Variants in ZBTB20 observed in about 807,000 individuals in gnomAD.
ZBTB20 encodes zinc finger and BTB domain containing 20, also known as zinc finger and BTB domain-containing protein 20.
Under a neutral mutation model 56.9 loss-of-function variants are expected in ZBTB20, and 9 were observed. The observed-to-expected ratio is 0.16, with a 90% CI of 0.10 to 0.28. The LOEUF is 0.28. Among genes scored for constraint, ZBTB20 ranks in the 10% least tolerant of loss-of-function variants. The probability of loss-of-function intolerance (pLI) is 1.00; values close to 1 mark genes in which losing one functional copy is unlikely to be tolerated. For missense variants in ZBTB20, 655 were observed against 1,003.0 expected (o/e 0.65, Z 4.69); for synonymous variants, 417 against 420.7 (o/e 0.99, Z 0.11).
chr3:114,700,061 T>C (rs1230125744), intron 5 of ZBTB20, among the ~76,000 whole-genome samples: 1 of 152,102 alleles, frequency 6.6e-6, no homozygotes, highest in Non-Finnish European at 1.5e-5. Flanking sequence ...TCTTATACTT[T>C]TTTTTATCTT....
intron 8 of ZBTB20, among the ~76,000 whole-genome samples, 156 bp from the exon 9 acceptor site, chr3:114,381,096 G>C (rs943461071): frequency 1.3e-5 from 2 of 152,166 alleles, no homozygotes; most frequent in Non-Finnish European, 2.9e-5. Flanking sequence ...TTTGCAGCCT[G>C]TACGGATGAG....
chr3:114,407,760 G>A (rs1013149194), intron 7 of ZBTB20, among the ~76,000 whole-genome samples: 3 of 152,140 alleles, frequency 2.0e-5, no homozygotes, highest in African/African-American at 7.2e-5. Context: ...TCTCCAAAAG[G>A]AGAAGTCAGA....
At chr3:114,510,707 C>T (rs1237996329) in intron 6 of ZBTB20, among the ~76,000 whole-genome samples, 2 of 151,976 alleles carry the variant, frequency 1.3e-5, no homozygotes, top group African/African-American at 4.8e-5. Context: ...AATCCCTGAA[C>T]GAATCTCTTT....
chr3:114,396,522 AAGG>A (rs1394144920), intron 7 of ZBTB20, among the ~76,000 whole-genome samples: 1 of 152,154 alleles, frequency 6.6e-6, no homozygotes, highest in Admixed American at 6.5e-5. Flanking sequence ...TTTATAGACG[AAGG>A]AGGTGAAACT....
At chr3:114,629,807 C>T (rs543005815) in intron 6 of ZBTB20, among the ~76,000 whole-genome samples, 18 of 152,132 alleles carry the variant, frequency 1.2e-4, no homozygotes, top group South Asian at 2.1e-4. Flanking sequence ...TTAATAATAA[C>T]GGGATTAAAG....
chr3:114,987,260 C>T (rs113538846), intron 2 of ZBTB20, among the ~76,000 whole-genome samples: 16 of 152,154 alleles, frequency 1.1e-4, no homozygotes, highest in East Asian at 5.8e-4. Context: ...TTTTAAATAA[C>T]GGGAACTTTT....
intron 5 of ZBTB20, among the ~76,000 whole-genome samples, chr3:114,784,707 C>T (rs1462538716): frequency 1.3e-5 from 2 of 152,102 alleles, no homozygotes; most frequent in Non-Finnish European, 2.9e-5. Flanking sequence ...GATGAATAAA[C>T]CATACTACAA....
chr3:114,427,184 G>A (rs1192953594), intron 7 of ZBTB20, among the ~76,000 whole-genome samples: 1 of 151,412 alleles, frequency 6.6e-6, no homozygotes, highest in Non-Finnish European at 1.5e-5. Context: ...ATACCAAAAT[G>A]AGAGTTTCCC....
chr3:115,006,541 C>T (rs2079481438), intron 2 of ZBTB20, among the ~76,000 whole-genome samples: 1 of 150,964 alleles, frequency 6.6e-6, no homozygotes, highest in African/African-American at 2.4e-5. Flanking sequence ...TTTTTTTCCC[C>T]TGAATATTAT....
In ZBTB20 at chr3:114,558,858, T is replaced by G. The variant is rs534364890; in HGVS notation, c.-294-58467A>C. Among the ~76,000 whole-genome samples, 6 of 152,286 alleles carry G rather than the reference T, an allele frequency of 3.9e-5. No homozygotes were observed. In the South Asian group the frequency reaches 8.3e-4, roughly 21 times the overall value. On this transcript the variant is annotated intron_variant, in intron 6 of 11. Coordinates refer to ENST00000675478, the MANE Select transcript of ZBTB20 (RefSeq NM_001348800.3). ...ATTCACTGACCTGTCATAATTCACA[T>G]GCCTAGCTCACTTGAGCCTCAAGGC...
rs577023519 is a variant in ZBTB20 at position 114,944,015 on chromosome 3, G to T, written c.-456+30351C>A. On this transcript the variant is annotated intron_variant, in intron 3 of 11. Coordinates refer to ENST00000675478, the MANE Select transcript of ZBTB20 (RefSeq NM_001348800.3). Reference sequence around the variant, plus strand: ...AAATAAAAATGCATTACTTTGTAAGGATTAGTAAGTCTGATAACTGATTGC... The same window carrying T: ...AAATAAAAATGCATTACTTTGTAAGTATTAGTAAGTCTGATAACTGATTGC... 2.2e-4 allele frequency among the ~76,000 whole-genome samples: 32 copies of T among 145,168 alleles called. 1 individual carries two copies. Among genetic ancestry groups the T allele is most frequent in the Middle Eastern group, 3.5e-3 (1 of 286 alleles).
intron 4 of ZBTB20, among the ~76,000 whole-genome samples, chr3:114,864,879 C>T (rs2075697702): frequency 6.6e-6 from 1 of 152,106 alleles, no homozygotes; most frequent in Admixed American, 6.6e-5. Flanking sequence ...TGCCACACTT[C>T]TTCAATCTGC....
At chr3:114,466,899 A>T (rs1306163029) in intron 7 of ZBTB20, among the ~76,000 whole-genome samples, 1 of 150,918 alleles carries the variant, frequency 6.6e-6, no homozygotes, top group East Asian at 2.0e-4. Context: ...AGCGTTGCTA[A>T]AAAAAATCTG....
chr3:115,135,212 T>C (rs1188964804), intron 1 of ZBTB20, among the ~76,000 whole-genome samples: 3 of 152,172 alleles, frequency 2.0e-5, no homozygotes, highest in African/African-American at 4.8e-5. Context: ...CAGTTGTTTA[T>C]AGGTCACAGC....
At chr3:114,735,931 T>C (rs2066125505) in intron 5 of ZBTB20, among the ~76,000 whole-genome samples, 1 of 152,186 alleles carries the variant, frequency 6.6e-6, no homozygotes, top group Non-Finnish European at 1.5e-5. Context: ...CTACACTCTA[T>C]GATGGTAACG....
At chr3:114,458,080 T>C (rs1448316456) in intron 7 of ZBTB20, among the ~76,000 whole-genome samples, 2 of 152,198 alleles carry the variant, frequency 1.3e-5, no homozygotes, top group Admixed American at 6.5e-5. Context: ...GCCATGTCCC[T>C]GCATGGTGCT....
intron 6 of ZBTB20, among the ~76,000 whole-genome samples, chr3:114,681,727 C>T (rs1412357817): frequency 1.3e-5 from 2 of 152,148 alleles, no homozygotes; most frequent in African/African-American, 4.8e-5. Flanking sequence ...AATCCTACAA[C>T]AATCTTTTGG....
chr3:114,396,548 AG>A (rs1217600943), intron 7 of ZBTB20, among the ~76,000 whole-genome samples: 7 of 152,174 alleles, frequency 4.6e-5, no homozygotes, highest in Admixed American at 3.9e-4. Context: ...TACTCAGGAA[AG>A]GTACAGTTAT....
chr3:114,513,616 A>G (rs1559894175), intron 6 of ZBTB20, among the ~76,000 whole-genome samples: 1 of 152,110 alleles, frequency 6.6e-6, no homozygotes. Flanking sequence ...CAGGTAAGAG[A>G]TATTTTCTGG....
Sources: gnomAD v4.1 joint callset for allele counts (sites outside exome capture counted in the v4.1 genomes callset) on GRCh38, gnomAD v4.1.1 for gene constraint, MANE v1.5 for transcripts, NCBI Gene and HGNC (gene_info 2026-07-23, HGNC 2026-07-21) for gene names.